Variants in LRPPRC observed in about 807,000 individuals in gnomAD.
LRPPRC encodes the protein leucine rich pentatricopeptide repeat containing, also known as leucine-rich PPR motif-containing protein, mitochondrial.
A neutral mutation model predicts 180.3 loss-of-function variants in LRPPRC; 120 were observed. That is an observed-to-expected ratio of 0.67 (90% confidence interval 0.57 to 0.77). The LOEUF (loss-of-function observed/expected upper bound fraction) is 0.77, where lower values mean the gene tolerates loss of function less well. Among genes scored for constraint, LRPPRC ranks in the 30% least tolerant of loss-of-function variants. The pLI, the probability that LRPPRC is intolerant of heterozygous loss-of-function variation, is 0.00. For missense variants in LRPPRC, 2,012 were observed against 1,657.2 expected, an observed-to-expected ratio of 1.21 and a Z score of -3.72; for synonymous variants, 723 against 600.0, an observed-to-expected ratio of 1.21 and a Z score of -3.00.
intron 32 of LRPPRC, 30 bp downstream of exon 32, chr2:43,901,290 T>G (rs371398802): frequency 6.3e-7 from 1 of 1,579,876 alleles, no homozygotes; most frequent in Admixed American, 1.7e-5. Flanking sequence ...TAGTGACCAA[T>G]GAAGGAAAAG....
At chr2:43,899,807 C>T (rs1670822854) in intron 32 of LRPPRC, among the ~76,000 whole-genome samples, 3 of 152,190 alleles carry the variant, frequency 2.0e-5, no homozygotes, top group Non-Finnish European at 4.4e-5. Flanking sequence ...CTAGCTGGTT[C>T]GTGCTGCAGT....
chr2:43,974,727 T>C lies in LRPPRC; in HGVS notation c.896A>G (p.His299Arg). 1 of 1,613,676 alleles carries C rather than the reference T, an allele frequency of 6.2e-7. No homozygotes were observed. ...TTGCAGTAAATCACGGTCCATAAGG[T>C]GAAGCTCGGACTTCTCCACCTTCTC... ...TLEKVEKSELHLMDRDLLQII... is the reference protein window; with the variant it reads ...TLEKVEKSELRLMDRDLLQII... The change falls in exon 8 of 38, where the codon CAC (histidine) becomes CGC (arginine). Residue 299 changes from histidine to arginine, a missense_variant. By Grantham distance (29) the His-to-Arg change is conservative. Coordinates refer to ENST00000260665, the MANE Select transcript of LRPPRC (RefSeq NM_133259.4).
intron 1 of LRPPRC, among the ~76,000 whole-genome samples, chr2:43,993,573 G>C (rs1194267598): frequency 1.3e-5 from 2 of 152,082 alleles, no homozygotes; most frequent in Admixed American, 6.6e-5. Context: ...TTTCACGTGG[G>C]CAAGATCTGG....
rs776872944 is a variant in LRPPRC, at chr2:43,934,734, G to A, written c.2629+20C>T. On this transcript the variant is annotated intron_variant, in intron 24 of 37. Transcript: ENST00000260665. ...AGAAGGGAAAAAAAAACTACATTAA[G>A]ATACTAGAAAGTGACTCACCTTTCT... 13 of 1,609,674 alleles carry A rather than the reference G, an allele frequency of 8.1e-6. No individual in the cohort carries two copies. Among genetic ancestry groups the A allele is most frequent in the Admixed American group, 1.7e-5 (1 of 59,930 alleles).
chr2:43,947,748 T>C lies in LRPPRC; in HGVS notation c.1948A>G (p.Asn650Asp). 6.3e-7 allele frequency: 1 copy of C among 1,584,760 alleles called. No homozygotes were observed. Among genetic ancestry groups the C allele is most frequent in the Non-Finnish European group, 8.7e-7 (1 of 1,153,594 alleles). ...CTACTTACTTTTTGAAAGTCTAAAT[T>C]CTTACTCTCAACCAACAAGTGAGCA... ...KDAHLLVESK[N>D]LDFQKTVQLT... Residue 650 changes from asparagine to aspartate, a missense_variant, in exon 19 of 38, where the codon AAT becomes GAT. Coordinates refer to ENST00000260665, the MANE Select transcript of LRPPRC (RefSeq NM_133259.4).
In LRPPRC at chr2:43,919,960, T is replaced by C. The variant is rs1011839368; in HGVS notation, c.2897-1562A>G. On this transcript the variant is annotated intron_variant, in intron 27 of 37. Coordinates refer to ENST00000260665, the MANE Select transcript of LRPPRC (RefSeq NM_133259.4). ...ATACTAAAAACACGTAGGATTTTCC[T>C]AGATTATTCTCCCCAAAACCAAAAA... Among the ~76,000 whole-genome samples the C allele has an allele frequency of 2.0e-5, 3 of 151,674 alleles. No individual in the cohort carries two copies. In the South Asian group the frequency reaches 6.2e-4, roughly 32 times the overall value.
At chr2:43,995,578 G>C (rs1675012077) in intron 1 of LRPPRC, among the ~76,000 whole-genome samples, 1 of 152,220 alleles carries the variant, frequency 6.6e-6, no homozygotes, top group Non-Finnish European at 1.5e-5. Flanking sequence ...CAGGATTCAA[G>C]CCGGAGGCAG....
chr2:43,888,852 C>G (rs1330343556), intron 37 of LRPPRC, among the ~76,000 whole-genome samples, 196 bp from the exon 38 acceptor site: 3 of 152,120 alleles, frequency 2.0e-5, no homozygotes, highest in Admixed American at 6.5e-5. Flanking sequence ...AGAGTTAAAG[C>G]TAGCAGCAGG....
intron 29 of LRPPRC, among the ~76,000 whole-genome samples, chr2:43,915,228 TCTCTCACACACACACACA>T (rs1171861543): frequency 5.7e-4 from 36 of 63,328 alleles, no homozygotes; most frequent in Middle Eastern, 7.9e-3. Flanking sequence ...TCTCTCTCTC[TCTCTCACACACACACACA>T]CACACACACA....
chr2:43,936,907 C>T (rs556489567), intron 23 of LRPPRC, among the ~76,000 whole-genome samples: 1 of 152,268 alleles, frequency 6.6e-6, no homozygotes, highest in African/African-American at 2.4e-5. Flanking sequence ...TCAGTATTTT[C>T]CCTTACTTCA....
intron 14 of LRPPRC, among the ~76,000 whole-genome samples, chr2:43,955,771 A>G (rs571048882): frequency 6.6e-5 from 10 of 152,292 alleles, no homozygotes; most frequent in Non-Finnish European, 1.5e-4. Flanking sequence ...TGAACTACCA[A>G]TAACTGATTC....
chr2:43,943,869 C>G lies in LRPPRC; in HGVS notation c.2322G>C (p.Met774Ile). 1 of 1,612,926 alleles carries G rather than the reference C, an allele frequency of 6.2e-7. No individual in the cohort carries two copies. Among genetic ancestry groups the G allele is most frequent in the African/African-American group, 1.3e-5 (1 of 74,984 alleles). Residue 774 changes from methionine to isoleucine, a missense_variant, in exon 23 of 38, where the codon ATG becomes ATC. Met to Ile is a conservative substitution (Grantham distance 10, BLOSUM62 1). Transcript: ENST00000260665. Reference protein sequence around the residue: ...LQDAINILKEMKEKDVLIKDT... With the variant: ...LQDAINILKEIKEKDVLIKDT... ...CTTTGATAAGAACATCCTTCTCTTTCATCTCCTTCAGAATGTTAATAGCAT... is the reference window on the plus strand; with the variant it reads ...CTTTGATAAGAACATCCTTCTCTTTGATCTCCTTCAGAATGTTAATAGCAT...
At chr2:43,916,043 G>C (rs1431271007) in intron 29 of LRPPRC, among the ~76,000 whole-genome samples, 1 of 151,894 alleles carries the variant, frequency 6.6e-6, no homozygotes, top group Non-Finnish European at 1.5e-5. Context: ...GGGATTATAG[G>C]CATGAGCCTG....
intron 14 of LRPPRC, 37 bp downstream of exon 14, chr2:43,957,348 A>G (rs1673160301): frequency 7.0e-7 from 1 of 1,423,612 alleles, no homozygotes; most frequent in Non-Finnish European, 9.9e-7. Context: ...AAATCAGTCC[A>G]TGTTCAGGCA....
At chr2:43,955,628 T>G (rs563275810) in intron 14 of LRPPRC, among the ~76,000 whole-genome samples, 2 of 152,108 alleles carry the variant, frequency 1.3e-5, no homozygotes, top group Non-Finnish European at 2.9e-5. Context: ...TAGTCCCAGC[T>G]GCTCGGGAGG....
At chr2:43,969,563 C>T (rs1673713063) in intron 11 of LRPPRC, among the ~76,000 whole-genome samples, 1 of 152,048 alleles carries the variant, frequency 6.6e-6, no homozygotes, top group South Asian at 2.1e-4. Context: ...TCAGTGGCTC[C>T]TTGTTGCCAA....
At chr2:43,918,861 A>G (rs1279832807) in intron 27 of LRPPRC, among the ~76,000 whole-genome samples, 2 of 148,702 alleles carry the variant, frequency 1.3e-5, no homozygotes, top group South Asian at 4.2e-4. Flanking sequence ...ATATATATAT[A>G]GATATAGATA....
chr2:43,909,501 G>C (rs1229847801), intron 30 of LRPPRC, among the ~76,000 whole-genome samples: 1 of 152,116 alleles, frequency 6.6e-6, no homozygotes, highest in African/African-American at 2.4e-5. Flanking sequence ...ACATAAGTAA[G>C]TTCTGGAGCT....
intron 11 of LRPPRC, among the ~76,000 whole-genome samples, chr2:43,968,631 C>T (rs1303575967): frequency 6.6e-6 from 1 of 152,114 alleles, no homozygotes; most frequent in East Asian, 1.9e-4. Context: ...ATAAGCTAGA[C>T]ACAGAAAGAC....
Sources: gnomAD v4.1 joint callset for allele counts (sites outside exome capture counted in the v4.1 genomes callset) on GRCh38, gnomAD v4.1.1 for gene constraint, MANE v1.5 for transcripts, NCBI Gene and HGNC (gene_info 2026-07-23, HGNC 2026-07-21) for gene names.